The following DAO variants were observed in gnomAD, a reference collection of about 807,000 sequenced individuals.
DAO encodes D-amino-acid oxidase.
DAO carries 51 observed loss-of-function variants against 50.1 expected under a neutral mutation model. The ratio of observed to expected loss-of-function variants is 1.02; its 90% CI spans 0.81 to 1.29. The LOEUF (loss-of-function observed/expected upper bound fraction) is 1.29, where lower values mean the gene tolerates loss of function less well. DAO is among the 50% of genes most tolerant of loss of function. The probability of loss-of-function intolerance (pLI) is 0.00; values close to 1 mark genes in which losing one functional copy is unlikely to be tolerated. For synonymous variants in DAO, 160 were observed against 166.2 expected (o/e 0.96, Z 0.29); for missense variants, 436 against 439.4 (o/e 0.99, Z 0.07).
chr12:108,896,867 C>T (rs762717674), intron 7 of DAO, 139 bp from the exon 8 acceptor site: 288 of 721,630 alleles, frequency 4.0e-4, no homozygotes, highest in Non-Finnish European at 5.4e-4. Context: ...CAGGTGCAGA[C>T]TTGGGCCATA....
rs748784185 is a variant in DAO at position 108,898,683 on chromosome 12, C to T, written c.700C>T (p.Gln234Ter). 2 of 1,607,404 alleles carry T rather than the reference C, an allele frequency of 1.2e-6. No homozygotes were observed. The highest frequency in any genetic ancestry group is 1.7e-6 in the Non-Finnish European group (2 of 1,173,918). Residue 234 changes from glutamine (Q) to a stop codon, truncating the protein, a stop_gained, in exon 9 of 11, where the codon CAG (glutamine) becomes TAG (stop). Coordinates refer to ENST00000228476, the MANE Select transcript of DAO (RefSeq NM_001917.5). LOFTEE classifies it high-confidence loss of function. ...ACCCTCCTCATTTGTATCTAGGACCCAGACAGTTACTCTTGGAGGCATCTT... is the reference window on the plus strand; with the variant it reads ...ACCCTCCTCATTTGTATCTAGGACCTAGACAGTTACTCTTGGAGGCATCTT... ...YNSPYIIPGT[Q>*]TVTLGGIFQL...
chr12:108,883,059 C>G (rs1179618160), intron 1 of DAO, among the ~76,000 whole-genome samples: 1 of 151,910 alleles, frequency 6.6e-6, no homozygotes, highest in African/African-American at 2.4e-5. Flanking sequence ...ATTATGCAGA[C>G]AGTCAAAAAG....
chr12:108,893,100 T>C, intron 6 of DAO, 64 bp downstream of exon 6: 1 of 1,489,738 alleles, frequency 6.7e-7, no homozygotes, highest in South Asian at 1.1e-5. Flanking sequence ...TGCTTCTTGC[T>C]GCTGAGTCGG....
At position 108,883,740 on chromosome 12, in the gene DAO, G is replaced by A. The variant is rs142993184; in HGVS notation, c.-9-1258G>A. 457 of 417,424 alleles carry A rather than the reference G, an allele frequency of 1.1e-3. 1 individual carries two copies. Among genetic ancestry groups the A allele is most frequent in the African/African-American group, 8.4e-3 (406 of 48,528 alleles). 25.9% of individuals were successfully genotyped at this position (417,424 alleles called of 1,614,324 possible). ...CCCCTAAGCCCCAGTATCCAAGCTC[G>A]GGCTCGAAGCTGGAAGGAGAATTGC... On this transcript the variant is annotated intron_variant, in intron 1 of 10. Transcript: ENST00000228476.
intron 1 of DAO, among the ~76,000 whole-genome samples, chr12:108,884,444 G>A (rs2039412334): frequency 6.6e-6 from 1 of 152,134 alleles, no homozygotes; most frequent in East Asian, 1.9e-4. Context: ...TTAGTGCCGG[G>A]GCCAGCTGGC....
chr12:108,896,444 T>TAAAAAAAAAAAAAAAAAAAAAAAAAAAA (rs2039558339), intron 7 of DAO, among the ~76,000 whole-genome samples: 1 of 119,714 alleles, frequency 8.4e-6, no homozygotes, highest in African/African-American at 3.4e-5. Context: ...AAAAAAAAAT[T>TAAAAAAAAAAAAAAAAAAAAAAAAAAAA]GAAGGTTTGA....
intron 2 of DAO, among the ~76,000 whole-genome samples, chr12:108,885,410 A>C (rs777428435): frequency 6.6e-6 from 1 of 152,152 alleles, no homozygotes; most frequent in Admixed American, 6.5e-5. Context: ...GGAGTTCCAG[A>C]TCAGCCTGGG....
intron 2 of DAO, among the ~76,000 whole-genome samples, chr12:108,886,335 A>G (rs1188013773): frequency 3.3e-5 from 5 of 151,830 alleles, no homozygotes; most frequent in African/African-American, 1.2e-4. Context: ...AATCTAGAAA[A>G]CTTCTAAGTG....
At chr12:108,883,604 C>A in intron 1 of DAO, 1 of 456,406 alleles carries the variant, frequency 2.2e-6, no homozygotes, top group South Asian at 1.5e-5. Context: ...TTAAAATGAC[C>A]CTGTGAGATT....
intron 8 of DAO, chr12:108,898,418 G>C (rs572767830): frequency 2.1e-6 from 1 of 479,002 alleles, no homozygotes; most frequent in African/African-American, 2.0e-5. Flanking sequence ...CAATGTTAGT[G>C]GTGGTGGTGA....
rs866589128 is a variant in DAO at position 108,881,566 on chromosome 12, T to A, written c.-10+1342T>A. Among the ~76,000 whole-genome samples the A allele has an allele frequency of 1.4e-3, 216 of 151,486 alleles. 1 individual carries two copies. The highest frequency in any genetic ancestry group is 4.9e-3 in the African/African-American group (202 of 41,274). Reference sequence around the variant, plus strand: ...TATCTTGAATTTTTTTAAAAAAAGATAATTGACTTAGGACTCACACTTTTT... The same window carrying A: ...TATCTTGAATTTTTTTAAAAAAAGAAAATTGACTTAGGACTCACACTTTTT... On this transcript the variant is annotated intron_variant, in intron 1 of 10. Transcript: ENST00000228476.
At position 108,881,162 on chromosome 12, in the gene DAO, T is replaced by TCACACACACACACACA. The variant is rs66697500; in HGVS notation, c.-10+959_-10+974dup. ...CTCCACACTTACACAGACATTCTAA[T>TCACACACACACACACA]CACACACACACACACACACACACAC... On this transcript the variant is annotated intron_variant, in intron 1 of 10. Transcript: ENST00000228476. Among the ~76,000 whole-genome samples the TCACACACACACACACA allele has an allele frequency of 3.7e-3, 512 of 139,318 alleles. 1 individual carries two copies. The highest frequency in any genetic ancestry group is 0.017 in the East Asian group (76 of 4,598). The allele number at this position is 139,318 out of a possible 152,430, so 91.4% of individuals were successfully genotyped here.
At chr12:108,896,391 C>T (rs530753793) in intron 7 of DAO, among the ~76,000 whole-genome samples, 44 of 136,082 alleles carry the variant, frequency 3.2e-4, no homozygotes, top group African/African-American at 1.2e-3. Context: ...CCACTGCACT[C>T]CAGCCTGGCA....
chr12:108,900,471 C>T lies in DAO; in HGVS notation c.980C>T (p.Ala327Val). 6.2e-7 allele frequency: 1 copy of T among 1,614,172 alleles called. No individual in the cohort carries two copies. The highest frequency in any genetic ancestry group is 1.1e-5 in the South Asian group (1 of 91,086). Residue 327 changes from alanine (A) to valine (V), a missense_variant, in exon 11 of 11, where the codon GCC (alanine) becomes GTC (valine). Ala to Val is a moderately conservative substitution (Grantham distance 64, BLOSUM62 0). Coordinates refer to ENST00000228476, the MANE Select transcript of DAO (RefSeq NM_001917.5). ...CACTGGGGATGTGCCCTGGAGGCAG[C>T]CAAGCTCTTTGGGAGAATCCTGGAA... Reference protein sequence around the residue: ...TIHWGCALEAAKLFGRILEEK... With the variant: ...TIHWGCALEAVKLFGRILEEK...
intron 3 of DAO, among the ~76,000 whole-genome samples, chr12:108,888,049 C>T (rs1427311194): frequency 6.6e-6 from 1 of 152,214 alleles, no homozygotes; most frequent in Non-Finnish European, 1.5e-5. Context: ...TCCTTATCCT[C>T]ACTTAATAAA....
Position 108,894,386 on chromosome 12 carries a change from C to A in DAO, c.612+19C>A, listed in dbSNP as rs771521944. 21 of 1,569,640 alleles carry A rather than the reference C, an allele frequency of 1.3e-5. No homozygotes were observed. The highest frequency in any genetic ancestry group is 1.7e-4 in the Middle Eastern group (1 of 5,996). On this transcript the variant is annotated intron_variant, in intron 7 of 10. Coordinates refer to ENST00000228476, the MANE Select transcript of DAO (RefSeq NM_001917.5). ...CATGAAGGTGAGTGTGAGGGTGAGACCCCTACCTTTTGTTAATAGGAAGAT... is the reference window on the plus strand; with the variant it reads ...CATGAAGGTGAGTGTGAGGGTGAGAACCCTACCTTTTGTTAATAGGAAGAT...
intron 1 of DAO, among the ~76,000 whole-genome samples, chr12:108,883,309 G>T (rs547482590): frequency 4.6e-5 from 7 of 152,314 alleles, no homozygotes; most frequent in African/African-American, 1.7e-4. Flanking sequence ...ACCGCGCCTG[G>T]CTAATTTTTG....
intron 1 of DAO, among the ~76,000 whole-genome samples, chr12:108,881,162 T>TCTCACACACACACA (rs1555244702): frequency 2.2e-5 from 3 of 139,332 alleles, no homozygotes; most frequent in African/African-American, 8.3e-5. Context: ...GACATTCTAA[T>TCTCACACACACACA]CACACACACA....
chr12:108,886,453 A>G (rs1435289785), intron 2 of DAO, among the ~76,000 whole-genome samples: 1 of 152,150 alleles, frequency 6.6e-6, no homozygotes, highest in Admixed American at 6.6e-5. Flanking sequence ...GGAACACCCA[A>G]TGAATAGCAG....
Sources: allele counts gnomAD v4.1 joint callset (sites outside exome capture counted in the v4.1 genomes callset), GRCh38; gene constraint gnomAD v4.1.1; transcripts MANE v1.5; gene names NCBI Gene and HGNC (gene_info 2026-07-23, HGNC 2026-07-21).